SMIM20: variants seen among roughly 807,000 people sequenced by gnomAD.
The protein encoded by SMIM20 is small integral membrane protein 20.
SMIM20 carries 3 observed loss-of-function variants against 8.7 expected under a neutral mutation model. The observed-to-expected ratio is 0.34, with a 90% CI of 0.16 to 0.89. SMIM20 has a LOEUF of 0.89. Among genes scored for constraint, SMIM20 ranks in the 40% least tolerant of loss-of-function variants. The pLI, the probability that SMIM20 is intolerant of heterozygous loss-of-function variation, is 0.49. For synonymous variants in SMIM20, 44 were observed against 33.6 expected (o/e 1.31, Z -1.07); for missense variants, 85 against 84.8 (o/e 1.00, Z -0.01).
chr4:25,928,443 C>T (rs960534764), intron 2 of SMIM20, 74 bp downstream of exon 2: 2 of 1,455,552 alleles, frequency 1.4e-6, no homozygotes, highest in African/African-American at 2.9e-5. Flanking sequence ...GTGTGTTTGC[C>T]TTGGCGTGGA....
At position 25,918,889 on chromosome 4, in the gene SMIM20, C is replaced by CTTT. The variant is rs775952783; in HGVS notation, c.109+4491_109+4493dup. ...GCAGACTTTGTCCTTATGTGAATAT[C>CTTT]TTTTTTTTTTTTTTTTTTTTTTTTT... On this transcript the variant is annotated intron_variant, in intron 1 of 2. Coordinates refer to ENST00000506197, the MANE Select transcript of SMIM20 (RefSeq NM_001145432.3). 2.4e-3 allele frequency among the ~76,000 whole-genome samples: 220 copies of CTTT among 91,700 alleles called. 16 individuals are homozygous for CTTT. Among genetic ancestry groups the CTTT allele is most frequent in the African/African-American group, 5.8e-3 (149 of 25,622 alleles). The allele number at this position is 91,700 out of a possible 152,430, so 60.2% of individuals were successfully genotyped here.
intron 1 of SMIM20, among the ~76,000 whole-genome samples, chr4:25,915,064 G>T (rs1719058922): frequency 6.6e-6 from 1 of 152,154 alleles, no homozygotes; most frequent in Non-Finnish European, 1.5e-5. Flanking sequence ...TGTTTTTTGA[G>T]TGGGACTGTT....
rs1487905479 is a variant in SMIM20, at chr4:25,928,339, G to A, written c.136G>A (p.Gly46Arg). ...GAAGGAACAAGCTATAAATCGGGCT[G>A]GAATTGTTCAAGAGGATGTGCAGCC... is the stretch of plus-strand genomic sequence containing the variant. ...YKKEQAINRA[G>R]IVQEDVQPPG... The change falls in exon 2 of 3, where the codon GGA becomes AGA. Residue 46 changes from glycine to arginine, a missense_variant. By Grantham distance (125) the Gly-to-Arg change is moderately radical (BLOSUM62 -2). Transcript: ENST00000506197. The A allele has an allele frequency of 1.3e-6, 2 of 1,549,860 alleles. No homozygotes were observed. Among genetic ancestry groups the A allele is most frequent in the East Asian group, 2.4e-5 (1 of 40,860 alleles).
intron 1 of SMIM20, among the ~76,000 whole-genome samples, chr4:25,923,242 T>G (rs1287439201): frequency 6.6e-6 from 1 of 152,180 alleles, no homozygotes; most frequent in Non-Finnish European, 1.5e-5. Flanking sequence ...AGGCCACAGT[T>G]AGGGAAGAGT....
At chr4:25,928,477 T>A (rs1711571306) in intron 2 of SMIM20, 108 bp downstream of exon 2, 4 of 1,060,070 alleles carry the variant, frequency 3.8e-6, no homozygotes, top group Middle Eastern at 2.1e-4. Context: ...CCTTTTAGCT[T>A]AGAGACAAGA....
chr4:25,923,839 C>T (rs1480473984), intron 1 of SMIM20, among the ~76,000 whole-genome samples: 1 of 152,210 alleles, frequency 6.6e-6, no homozygotes, highest in South Asian at 2.1e-4. Context: ...GAATGAAATG[C>T]GCAGGCAGAC....
At chr4:25,928,711 T>C (rs1711579150) in intron 2 of SMIM20, among the ~76,000 whole-genome samples, 1 of 152,204 alleles carries the variant, frequency 6.6e-6, no homozygotes, top group African/African-American at 2.4e-5. Flanking sequence ...ACTCCCCTCA[T>C]GGGAAAATAG....
intron 1 of SMIM20, among the ~76,000 whole-genome samples, chr4:25,919,807 C>A (rs1719166366): frequency 6.6e-6 from 1 of 152,142 alleles, no homozygotes; most frequent in Non-Finnish European, 1.5e-5. Context: ...AATACAAGGT[C>A]CTTATAATGC....
chr4:25,916,643 C>T (rs1719098417), intron 1 of SMIM20, among the ~76,000 whole-genome samples: 1 of 152,096 alleles, frequency 6.6e-6, no homozygotes, highest in Non-Finnish European at 1.5e-5. Flanking sequence ...GCAACCTCTG[C>T]CTCCCAGGTT....
At chr4:25,914,506 A>G in intron 1 of SMIM20, 84 bp downstream of exon 1, 1 of 1,301,814 alleles carries the variant, frequency 7.7e-7, no homozygotes, top group Non-Finnish European at 1.0e-6. Context: ...GTGCCGTGGA[A>G]AGAACTTGGC....
intron 1 of SMIM20, among the ~76,000 whole-genome samples, chr4:25,919,348 T>C (rs1056886315): frequency 6.6e-6 from 1 of 152,160 alleles, no homozygotes; most frequent in African/African-American, 2.4e-5. Flanking sequence ...GTGTCTTCTT[T>C]TTTTTTTCTT....
intron 2 of SMIM20, among the ~76,000 whole-genome samples, chr4:25,928,637 C>T (rs1711573809): frequency 6.6e-6 from 1 of 152,126 alleles, no homozygotes; most frequent in Non-Finnish European, 1.5e-5. Flanking sequence ...TTAACAAGTG[C>T]GTGATTCGAT....
chr4:25,914,566 G>A (rs539231208), intron 1 of SMIM20, 144 bp downstream of exon 1: 14 of 769,730 alleles, frequency 1.8e-5, no homozygotes, highest in East Asian at 3.2e-5. Context: ...GCAGCTTTGT[G>A]ACCGTGGACA....
chr4:25,914,228 A>G lies in SMIM20; in HGVS notation c.-86A>G. 1.3e-6 allele frequency: 2 copies of G among 1,500,350 alleles called. No individual in the cohort carries two copies. The highest frequency in any genetic ancestry group is 2.5e-5 in the South Asian group (2 of 78,802). 92.9% of individuals were successfully genotyped at this position (1,500,350 alleles called of 1,614,324 possible). On this transcript the variant is annotated 5_prime_UTR_variant, in exon 1 of 3. Coordinates refer to ENST00000506197, the MANE Select transcript of SMIM20 (RefSeq NM_001145432.3). ...AGCGAAAGCCTCTCCACCTCTTCCG[A>G]GCGGGGTCACGGCCCGGCCGTCGGT... is the stretch of plus-strand genomic sequence containing the variant.
intron 1 of SMIM20, among the ~76,000 whole-genome samples, chr4:25,925,823 A>G (rs1395513759): frequency 6.6e-6 from 1 of 152,222 alleles, no homozygotes; most frequent in East Asian, 1.9e-4. Flanking sequence ...AGACTTCAAC[A>G]TTATTAGGTA....
intron 1 of SMIM20, among the ~76,000 whole-genome samples, chr4:25,916,685 A>G (rs1719099316): frequency 6.6e-6 from 1 of 151,920 alleles, no homozygotes; most frequent in African/African-American, 2.4e-5. Flanking sequence ...CCTCCCAAGT[A>G]GCTGGGAATC....
intron 1 of SMIM20, among the ~76,000 whole-genome samples, chr4:25,923,747 G>T (rs1219907374): frequency 6.6e-6 from 1 of 152,236 alleles, no homozygotes; most frequent in Non-Finnish European, 1.5e-5. Flanking sequence ...GATGCAGAAA[G>T]AATTCTTACC....
At chr4:25,929,072 G>T in intron 2 of SMIM20, 82 bp from the exon 3 acceptor site, 5 of 1,495,072 alleles carry the variant, frequency 3.3e-6, no homozygotes, top group Non-Finnish European at 4.6e-6. Context: ...CAGTTCTGAT[G>T]TCATTTTGTT....
At position 25,921,237 on chromosome 4, in the gene SMIM20, A is replaced by G. The variant is rs370368610; in HGVS notation, c.109+6815A>G. Among the ~76,000 whole-genome samples the G allele has an allele frequency of 4.6e-5, 7 of 152,260 alleles. 1 individual carries two copies. The East Asian group carries it at 9.7e-4, about 21-fold the overall frequency. The stretch of plus-strand genomic sequence containing the variant: ...ATAAGTGACTGCATTTGGGAGCCAT[A>G]TTTAAGAAGCAAACTGGTGGGCATG... On this transcript the variant is annotated intron_variant, in intron 1 of 2. Transcript: ENST00000506197.
Sources: allele counts gnomAD v4.1 joint callset (sites outside exome capture counted in the v4.1 genomes callset), GRCh38; gene constraint gnomAD v4.1.1; transcripts MANE v1.5; gene names NCBI Gene and HGNC (gene_info 2026-07-23, HGNC 2026-07-21).